The following TRPM8 variants were observed in gnomAD, a reference collection of about 807,000 sequenced individuals.
TRPM8 encodes the protein transient receptor potential cation channel subfamily M member 8.
In TRPM8, 110 loss-of-function variants were observed where a neutral mutation model predicts 133.7. The observed-to-expected ratio is 0.82, with a 90% CI of 0.70 to 0.96. TRPM8 has a LOEUF of 0.96. Among genes scored for constraint, TRPM8 ranks in the 40% least tolerant of loss-of-function variants. TRPM8 has a pLI of 0.00. For missense variants in TRPM8, 1,291 were observed against 1,379.5 expected, an observed-to-expected ratio of 0.94 and a Z score of 1.02; for synonymous variants, 535 against 532.3, an observed-to-expected ratio of 1.01 and a Z score of -0.07.
At position 233,963,274 on chromosome 2, in the gene TRPM8, C is replaced by T. The variant is rs761035679; in HGVS notation, c.1654-8C>T. The T allele has an allele frequency of 5.0e-6, 8 of 1,598,802 alleles. No homozygotes were observed. The South Asian group carries it at 5.6e-5, about 11-fold the overall frequency. On this transcript the variant is annotated splice_region_variant and splice_polypyrimidine_tract_variant and intron_variant, in intron 12 of 25. Coordinates refer to ENST00000324695, the MANE Select transcript of TRPM8 (RefSeq NM_024080.5). ...TGCACATGCTGACCACATGCTCTAA[C>T]CCCCCAGGACGTGTCTCCTATTACT...
At chr2:233,961,193 T>A (rs1171406980) in intron 12 of TRPM8, 127 bp downstream of exon 12, 40 of 909,802 alleles carry the variant, frequency 4.4e-5, no homozygotes, top group Non-Finnish European at 1.1e-5. Flanking sequence ...CAATGTTAAT[T>A]TTTTTAACTC....
chr2:233,996,226 C>A, intron 21 of TRPM8, 100 bp from the exon 22 acceptor site: 2 of 1,064,296 alleles, frequency 1.9e-6, no homozygotes, highest in Non-Finnish European at 2.8e-6. Flanking sequence ...TGTACTTAAG[C>A]TATTGCAGTA....
chr2:233,986,220 T>C (rs1163870421), intron 21 of TRPM8, among the ~76,000 whole-genome samples: 3 of 152,210 alleles, frequency 2.0e-5, no homozygotes, highest in Non-Finnish European at 4.4e-5. Flanking sequence ...GTGCCTTATA[T>C]GTTATGGGGC....
intron 18 of TRPM8, 91 bp downstream of exon 18, chr2:233,980,370 CTA>C (rs112954695): frequency 1.3e-5 from 10 of 797,458 alleles, no homozygotes; most frequent in African/African-American, 1.1e-4. Context: ...CAAGGGAAGT[CTA>C]TTACTCATTA....
intron 1 of TRPM8, among the ~76,000 whole-genome samples, chr2:233,924,101 G>A (rs1188561543): frequency 6.6e-6 from 1 of 152,182 alleles, no homozygotes; most frequent in African/African-American, 2.4e-5. Flanking sequence ...CTTCTCACAA[G>A]TTCCTCCTAG....
chr2:234,001,971 G>T (rs1559549221), intron 22 of TRPM8, among the ~76,000 whole-genome samples: 1 of 152,164 alleles, frequency 6.6e-6, no homozygotes, highest in Non-Finnish European at 1.5e-5. Flanking sequence ...CCTCGAGCAG[G>T]GCTCATCATC....
chr2:233,955,882 G>A (rs1691282862), intron 11 of TRPM8, among the ~76,000 whole-genome samples: 1 of 152,192 alleles, frequency 6.6e-6, no homozygotes, highest in Non-Finnish European at 1.5e-5. Flanking sequence ...TCCGCCTTCA[G>A]TCCGATCAGT....
At chr2:234,010,881 A>G (rs1221754771) in intron 24 of TRPM8, among the ~76,000 whole-genome samples, 5 of 152,208 alleles carry the variant, frequency 3.3e-5, no homozygotes, top group Non-Finnish European at 1.5e-5. Flanking sequence ...TTAGGTGCTT[A>G]CTGATAAATG....
chr2:233,985,436 G>A (rs918906354), intron 20 of TRPM8, among the ~76,000 whole-genome samples: 4 of 152,180 alleles, frequency 2.6e-5, no homozygotes, highest in Non-Finnish European at 5.9e-5. Context: ...TGAGGGCAAA[G>A]AACATGTTCA....
intron 17 of TRPM8, among the ~76,000 whole-genome samples, chr2:233,975,063 G>A (rs1199169613): frequency 6.6e-6 from 1 of 152,162 alleles, no homozygotes; most frequent in African/African-American, 2.4e-5. Flanking sequence ...ATCTCTTCTT[G>A]CATCAACCCC....
Position 233,917,376 on chromosome 2 carries a change from G to C in TRPM8, c.-62G>C, listed in dbSNP as rs201658671. The C allele has an allele frequency of 6.6e-6, 1 of 152,190 alleles. No homozygotes were observed. The highest frequency in any genetic ancestry group is 1.5e-5 in the Non-Finnish European group (1 of 68,052). 9.4% of individuals were successfully genotyped at this position (152,190 alleles called of 1,614,324 possible). A position where few individuals can be genotyped will look rare whatever the true frequency, so the allele number is the denominator to read the frequency against. On this transcript the variant is annotated 5_prime_UTR_variant, in exon 1 of 26. Transcript: ENST00000324695. ...AAGCTTTCCTCCTCCTGTGGGGAGA[G>C]ACCAGCAGGATCCTTGGGTGAAAGA...
In TRPM8 at chr2:233,966,591, T is replaced by C. The variant is rs771078935; in HGVS notation, c.1880-19T>C. The C allele has an allele frequency of 6.2e-7, 1 of 1,613,930 alleles. No individual in the cohort carries two copies. The highest frequency in any genetic ancestry group is 2.2e-5 in the East Asian group (1 of 44,874). ...TGCAGCTCTTACACCAGCTTCTCTC[T>C]GTGCTGATGTCGCTGTAGAGCTGTT... On this transcript the variant is annotated intron_variant, in intron 14 of 25. Transcript: ENST00000324695.
chr2:233,977,941 T>C (rs1691909247), intron 17 of TRPM8, among the ~76,000 whole-genome samples: 1 of 152,220 alleles, frequency 6.6e-6, no homozygotes, highest in South Asian at 2.1e-4. Context: ...CAAGTGGGAC[T>C]ACATAAAGAA....
chr2:233,924,197 C>T (rs1691466513), intron 1 of TRPM8, among the ~76,000 whole-genome samples: 1 of 152,180 alleles, frequency 6.6e-6, no homozygotes, highest in Non-Finnish European at 1.5e-5. Context: ...AGCGGAAGGA[C>T]TCATGCTGGG....
rs200547297 is a variant in TRPM8, at chr2:233,955,243, G to A, written c.1355G>A (p.Arg452Gln). 1.9e-5 allele frequency: 31 copies of A among 1,613,388 alleles called. No homozygotes were observed. Among genetic ancestry groups the A allele is most frequent in the African/African-American group, 4.0e-5 (3 of 75,012 alleles). Reference protein sequence around the residue: ...ANDEIFTNDRRWESADLQEVM... With the variant: ...ANDEIFTNDRQWESADLQEVM... ...GATGAGATTTTCACCAATGACCGCC[G>A]ATGGGAGGTAAGCACGAAGCTCTCC... Residue 452 changes from arginine (R) to glutamine (Q), a missense_variant, in exon 11 of 26, where the codon CGA (arginine) becomes CAA (glutamine). Physicochemically the swap from Arg to Gln is conservative, Grantham distance 43 (BLOSUM62 1). Around this residue, in one of 2 missense-constraint regions of TRPM8, gnomAD observed 963 missense variants for 968.9 expected, o/e 0.99. Coordinates refer to ENST00000324695, the MANE Select transcript of TRPM8 (RefSeq NM_024080.5).
chr2:233,923,360 G>T (rs1317999784), intron 1 of TRPM8, among the ~76,000 whole-genome samples: 1 of 152,140 alleles, frequency 6.6e-6, no homozygotes, highest in African/African-American at 2.4e-5. Flanking sequence ...CTTTGGAAAG[G>T]CCTGTTACTG....
In TRPM8 at chr2:233,971,187, T is replaced by C. The variant is rs978080243; in HGVS notation, c.2355+761T>C. Among the ~76,000 whole-genome samples the C allele has an allele frequency of 1.8e-4, 28 of 152,220 alleles. 1 individual carries two copies. Among genetic ancestry groups the C allele is most frequent in the Admixed American group, 3.3e-4 (5 of 15,288 alleles). On this transcript the variant is annotated intron_variant, in intron 17 of 25. Transcript: ENST00000324695. The stretch of plus-strand genomic sequence containing the variant: ...CAAAAATACATCAATTCAGCAAGTG[T>C]GTGCTAGGCACTTACAGTTTCCGAG...
At chr2:233,979,473 A>C (rs1316588863) in intron 17 of TRPM8, among the ~76,000 whole-genome samples, 1 of 152,232 alleles carries the variant, frequency 6.6e-6, no homozygotes, top group Non-Finnish European at 1.5e-5. Flanking sequence ...GGAATTACCC[A>C]AATCCAGTTT....
At chr2:234,003,921 A>G (rs191625171) in intron 22 of TRPM8, among the ~76,000 whole-genome samples, 2 of 152,324 alleles carry the variant, frequency 1.3e-5, no homozygotes, top group African/African-American at 4.8e-5. Flanking sequence ...TGCCTAAATA[A>G]GGACAAATCA....
Sources: gnomAD v4.1 joint callset for allele counts (sites outside exome capture counted in the v4.1 genomes callset) on GRCh38, gnomAD v4.1.1 for gene constraint, gnomAD v4.1.1 regional missense constraint, MANE v1.5 for transcripts, NCBI Gene and HGNC (gene_info 2026-07-23, HGNC 2026-07-21) for gene names.